The following C9orf78 variants were observed in gnomAD, a reference collection of about 807,000 sequenced individuals.
C9orf78 encodes the protein splicing factor C9orf78.
Under a neutral mutation model 37.4 loss-of-function variants are expected in C9orf78, and 19 were observed. The observed-to-expected ratio is 0.51, with a 90% CI of 0.35 to 0.74. C9orf78 has a LOEUF of 0.74. C9orf78 is among the 30% of genes least tolerant of loss of function. The probability of loss-of-function intolerance (pLI) is 0.01; values close to 1 mark genes in which losing one functional copy is unlikely to be tolerated. For synonymous variants in C9orf78, 130 were observed against 128.0 expected, an observed-to-expected ratio of 1.02 and a Z score of -0.10; for missense variants, 291 against 370.8, an observed-to-expected ratio of 0.78 and a Z score of 1.77.
intron 2 of C9orf78, chr9:129,834,441 T>C: frequency 4.4e-6 from 2 of 457,854 alleles, no homozygotes; most frequent in Non-Finnish European, 7.7e-6. Flanking sequence ...ACGATCGATA[T>C]GCATTTCACA....
At chr9:129,832,453 T>A (rs1407689655) in intron 4 of C9orf78, among the ~76,000 whole-genome samples, 1 of 152,246 alleles carries the variant, frequency 6.6e-6, no homozygotes, top group Non-Finnish European at 1.5e-5. Context: ...TTTATTAATT[T>A]ATTGAGACGG....
At position 129,835,254 on chromosome 9, in the gene C9orf78, C is replaced by T. The variant is rs937090158; in HGVS notation, c.-33G>A. On this transcript the variant is annotated 5_prime_UTR_variant, in exon 1 of 9. Transcript: ENST00000372447. ...ACGGCCGAGTTGTACAGCCGCCGCGCCTCTGCGCAGCGGCCCAGGCTGCTT... is the reference window on the plus strand; with the variant it reads ...ACGGCCGAGTTGTACAGCCGCCGCGTCTCTGCGCAGCGGCCCAGGCTGCTT... The T allele has an allele frequency of 1.3e-6, 2 of 1,537,372 alleles. No individual in the cohort carries two copies. The highest frequency in any genetic ancestry group is 1.8e-6 in the Non-Finnish European group (2 of 1,122,738).
chr9:129,828,948 G>A (rs1325924157), intron 8 of C9orf78: 1 of 564,628 alleles, frequency 1.8e-6, no homozygotes. Flanking sequence ...AACTTCTTGA[G>A]TCTCTACTGT....
chr9:129,833,859 T>C (rs1033659967), intron 2 of C9orf78, 150 bp from the exon 3 acceptor site: 2 of 642,530 alleles, frequency 3.1e-6, no homozygotes, highest in Non-Finnish European at 5.5e-6. Flanking sequence ...GAAAAGCCTA[T>C]AAGCATAAGA....
chr9:129,834,961 C>T, intron 1 of C9orf78, 178 bp downstream of exon 1: 1 of 680,832 alleles, frequency 1.5e-6, no homozygotes, highest in Admixed American at 2.6e-5. Context: ...AGGCATCTCT[C>T]TCAACCGTTC....
chr9:129,834,444 A>AC (rs2031623506), intron 2 of C9orf78: 4 of 460,298 alleles, frequency 8.7e-6, no homozygotes, highest in Non-Finnish European at 1.1e-5. Flanking sequence ...ATCGATATGC[A>AC]TTTCACAATT....
chr9:129,829,329 C>G, intron 7 of C9orf78, 26 bp from the exon 8 acceptor site: 2 of 1,601,540 alleles, frequency 1.2e-6, no homozygotes, highest in Admixed American at 1.7e-5. Flanking sequence ...CCAGGGGACA[C>G]GTTAGAACAT....
chr9:129,835,223 G>C lies in C9orf78; in HGVS notation c.-2C>G, dbSNP rs1187750985. ...GAAAATCTTCCGGACGACCGGCATG[G>C]TGACAACGGCCGAGTTGTACAGCCG... is the stretch of plus-strand genomic sequence containing the variant. On this transcript the variant is annotated 5_prime_UTR_variant, in exon 1 of 9. Coordinates refer to ENST00000372447, the MANE Select transcript of C9orf78 (RefSeq NM_016520.3). 8 of 1,606,670 alleles carry C rather than the reference G, an allele frequency of 5.0e-6. No individual in the cohort carries two copies. The African/African-American group carries it at 8.1e-5, about 16-fold the overall frequency.
At position 129,833,487 on chromosome 9, in the gene C9orf78, T is replaced by C; in HGVS notation, c.226A>G (p.Met76Val). The C allele has an allele frequency of 6.2e-7, 1 of 1,606,000 alleles. No individual in the cohort carries two copies. Among genetic ancestry groups the C allele is most frequent in the Non-Finnish European group, 8.5e-7 (1 of 1,172,592 alleles). ...TCCTTCAGTTTCTTCATATCCACCA[T>C]ACCACCTGTCTTCATCTGAAAGGGA... ...DDPFQMKTGGMVDMKKLKERG... is the reference protein window; with the variant it reads ...DDPFQMKTGGVVDMKKLKERG... Residue 76 changes from methionine (M) to valine (V), a missense_variant, in exon 4 of 9, where the codon ATG becomes GTG. Coordinates refer to ENST00000372447, the MANE Select transcript of C9orf78 (RefSeq NM_016520.3).
intron 8 of C9orf78, chr9:129,828,986 C>T (rs1229682573): frequency 7.9e-6 from 5 of 631,392 alleles, no homozygotes; most frequent in African/African-American, 1.8e-5. Context: ...AGTATGAATT[C>T]TCAGAGTAAT....
chr9:129,829,560 C>G lies in C9orf78; in HGVS notation c.543-19G>C. The G allele has an allele frequency of 6.2e-7, 1 of 1,609,642 alleles. No individual in the cohort carries two copies. Among genetic ancestry groups the G allele is most frequent in the Non-Finnish European group, 8.5e-7 (1 of 1,176,900 alleles). ...TTTAGCACTATGGAGAGAAAGAAAC[C>G]ACACCACTTAGAAGATGATAGCACC... On this transcript the variant is annotated intron_variant, in intron 6 of 8. Transcript: ENST00000372447.
intron 1 of C9orf78, 71 bp downstream of exon 1, chr9:129,835,068 C>T (rs1208817942): frequency 8.2e-7 from 1 of 1,215,040 alleles, no homozygotes; most frequent in Non-Finnish European, 1.2e-6. Flanking sequence ...CAGCGAAGCG[C>T]CGAGCCGGTG....
rs770840294 is a variant in C9orf78, at chr9:129,829,195, T to C, written c.778+10A>G. On this transcript the variant is annotated intron_variant, in intron 8 of 8. Transcript: ENST00000372447. ...ACTCCAGGCAGCCCCGAGGCCTTTG[T>C]TGCACTCACGCTCAGGCTCTGGCTT... 8 of 1,602,650 alleles carry C rather than the reference T, an allele frequency of 5.0e-6. No homozygotes were observed. Among genetic ancestry groups the C allele is most frequent in the African/African-American group, 2.7e-5 (2 of 74,704 alleles).
intron 2 of C9orf78, chr9:129,834,382 G>A (rs1392856124): frequency 3.3e-6 from 1 of 306,068 alleles, no homozygotes; most frequent in Non-Finnish European, 6.0e-6. Flanking sequence ...AGAATTATGG[G>A]TGCTTTTTAT....
intron 2 of C9orf78, 123 bp downstream of exon 2, chr9:129,834,584 G>C: frequency 1.4e-6 from 1 of 703,642 alleles, no homozygotes; most frequent in South Asian, 1.7e-5. Context: ...AAGTTGGGCA[G>C]TGGAAGGTGT....
At chr9:129,829,007 A>G (rs1588222056) in intron 8 of C9orf78, 198 bp downstream of exon 8, 3 of 669,106 alleles carry the variant, frequency 4.5e-6, no homozygotes, top group African/African-American at 3.6e-5. Context: ...CCTAACAGGT[A>G]GGTTCTATTA....
In C9orf78 at chr9:129,831,975, T is replaced by G. The variant is rs1564188236; in HGVS notation, c.267-2A>C. On this transcript the variant is annotated splice_acceptor_variant, in intron 4 of 8. Coordinates refer to ENST00000372447, the MANE Select transcript of C9orf78 (RefSeq NM_016520.3). LOFTEE classifies it high-confidence loss of function. ...TGCAGGTCCTCCTCCTCACTGATCC[T>G]GGAGGGAGAGAACAATGAGGCAGAG... 1.4e-6 allele frequency: 2 copies of G among 1,477,022 alleles called. No individual in the cohort carries two copies. Among genetic ancestry groups the G allele is most frequent in the Non-Finnish European group, 9.5e-7 (1 of 1,055,022 alleles). The allele number at this position is 1,477,022 out of a possible 1,614,324, so 91.5% of individuals were successfully genotyped here.
At chr9:129,828,371 C>T (rs1192596995) in intron 8 of C9orf78, 119 bp from the exon 9 acceptor site, 1 of 686,382 alleles carries the variant, frequency 1.5e-6, no homozygotes, top group East Asian at 2.7e-5. Context: ...CAGCGCCTAA[C>T]CCAGTGAACA....
rs1488581389 is a variant in C9orf78, at chr9:129,827,601, A to C, written c.*560T>G. On this transcript the variant is annotated 3_prime_UTR_variant, in exon 9 of 9. Coordinates refer to ENST00000372447, the MANE Select transcript of C9orf78 (RefSeq NM_016520.3). ...ACAATATATTTACAAACAAGATTTA[A>C]TAATGCTCACAAGAATAGAGTTTGC... The C allele has an allele frequency of 6.6e-6, 1 of 152,292 alleles. No homozygotes were observed. Among genetic ancestry groups the C allele is most frequent in the Non-Finnish European group, 1.5e-5 (1 of 68,132 alleles). 9.4% of individuals were successfully genotyped at this position (152,292 alleles called of 1,614,324 possible). A position where few individuals can be genotyped will look rare whatever the true frequency, so the allele number is the denominator to read the frequency against.
Sources: gnomAD v4.1 joint callset for allele counts (sites outside exome capture counted in the v4.1 genomes callset) on GRCh38, gnomAD v4.1.1 for gene constraint, MANE v1.5 for transcripts, NCBI Gene and HGNC (gene_info 2026-07-23, HGNC 2026-07-21) for gene names.